Variants in ADAMTS14 observed in about 807,000 individuals in gnomAD.
ADAMTS14 encodes the protein ADAM metallopeptidase with thrombospondin type 1 motif 14, also known as A disintegrin and metalloproteinase with thrombospondin motifs 14.
In ADAMTS14, 100 loss-of-function variants were observed where a neutral mutation model predicts 128.6. The observed-to-expected ratio is 0.78, with a 90% CI of 0.66 to 0.92. The LOEUF (loss-of-function observed/expected upper bound fraction) is 0.92. Among genes scored for constraint, ADAMTS14 ranks in the 40% least tolerant of loss-of-function variants. The probability of loss-of-function intolerance (pLI) is 0.00; values close to 1 mark genes in which losing one functional copy is unlikely to be tolerated. For missense variants in ADAMTS14, 1,562 were observed against 1,658.6 expected (o/e 0.94, Z 1.01); for synonymous variants, 665 against 653.8 (o/e 1.02, Z -0.26).
rs751885762 is a variant in ADAMTS14, at chr10:70,674,510, C to T, written c.83-46C>T. 5.7e-6 allele frequency: 9 copies of T among 1,573,714 alleles called. No homozygotes were observed. In the South Asian group the frequency reaches 7.0e-5, roughly 12 times the overall value. ...CGTGGGATTTCTGACTTCCCCTTAC[C>T]TCTGAACCGACTGCATTGAAGTGAC... On this transcript the variant is annotated intron_variant, in intron 1 of 21. Coordinates refer to ENST00000373207, the MANE Select transcript of ADAMTS14 (RefSeq NM_080722.4).
chr10:70,728,013 A>G (rs1354608459), intron 4 of ADAMTS14, among the ~76,000 whole-genome samples: 3 of 151,712 alleles, frequency 2.0e-5, no homozygotes, highest in Admixed American at 6.6e-5. Flanking sequence ...GAAGAATGGC[A>G]TGAACCCAGG....
chr10:70,729,692 C>G (rs553877928), intron 5 of ADAMTS14, among the ~76,000 whole-genome samples: 2 of 152,044 alleles, frequency 1.3e-5, no homozygotes, highest in Non-Finnish European at 2.9e-5. Context: ...GCCCTGGTGC[C>G]CTGCGCTCTG....
Position 70,730,148 on chromosome 10 carries a change from A to T in ADAMTS14, c.1001A>T (p.Gln334Leu). Residue 334 changes from glutamine to leucine, a missense_variant, in exon 6 of 22, where the codon CAG (glutamine) becomes CTG (leucine). Physicochemically the swap from Gln to Leu is moderately radical, Grantham distance 113 (BLOSUM62 -2). Transcript: ENST00000373207. The part of the protein sequence containing the change: ...ERGNPSRSLE[Q>L]VCRWAHSQQR... Reference sequence around the variant, plus strand: ...GGGAACCCCTCACGCAGCCTGGAGCAGGTGTGTCGCTGGGCACACTCCCAG... The same window carrying T: ...GGGAACCCCTCACGCAGCCTGGAGCTGGTGTGTCGCTGGGCACACTCCCAG... The T allele has an allele frequency of 3.1e-6, 5 of 1,612,546 alleles. No homozygotes were observed. The highest frequency in any genetic ancestry group is 1.3e-5 in the African/African-American group (1 of 75,056).
chr10:70,739,424 T>A lies in ADAMTS14; in HGVS notation c.1748+434T>A, dbSNP rs145505653. Among the ~76,000 whole-genome samples the A allele has an allele frequency of 2.8e-3, 430 of 152,180 alleles. 1 individual carries two copies. The highest frequency in any genetic ancestry group is 4.3e-3 in the Non-Finnish European group (294 of 68,014). On this transcript the variant is annotated intron_variant, in intron 11 of 21. Transcript: ENST00000373207. ...TAATTTTTCTTAACTCTTTCTAACA[T>A]CAAAGCTCCTTCCCCTCTTCCCCAC... is the stretch of plus-strand genomic sequence containing the variant.
intron 4 of ADAMTS14, among the ~76,000 whole-genome samples, chr10:70,711,122 G>A (rs1304590463): frequency 6.6e-6 from 1 of 152,198 alleles, no homozygotes; most frequent in Non-Finnish European, 1.5e-5. Flanking sequence ...AATTGGGGGA[G>A]GGACAGGTTG....
At chr10:70,747,459 T>A (rs554429631) in intron 15 of ADAMTS14, among the ~76,000 whole-genome samples, 1 of 149,458 alleles carries the variant, frequency 6.7e-6, no homozygotes, top group East Asian at 2.0e-4. Context: ...CTGTGGGGAA[T>A]GTGCTGGAAT....
At chr10:70,681,082 G>A (rs1379514698) in intron 2 of ADAMTS14, among the ~76,000 whole-genome samples, 1 of 152,238 alleles carries the variant, frequency 6.6e-6, no homozygotes, top group Non-Finnish European at 1.5e-5. Flanking sequence ...CAGGGATGAA[G>A]CTCAGCCCTC....
intron 4 of ADAMTS14, among the ~76,000 whole-genome samples, chr10:70,710,479 C>G (rs1429370894): frequency 1.3e-5 from 2 of 152,204 alleles, no homozygotes; most frequent in Non-Finnish European, 2.9e-5. Context: ...ATCATACAGA[C>G]CGAAAGATGA....
chr10:70,683,555 G>A (rs531053830), intron 2 of ADAMTS14, among the ~76,000 whole-genome samples: 4 of 152,212 alleles, frequency 2.6e-5, no homozygotes, highest in Non-Finnish European at 5.9e-5. Flanking sequence ...TCCAGGAGGT[G>A]GGCAGCACAG....
At chr10:70,721,667 G>A (rs913814995) in intron 4 of ADAMTS14, among the ~76,000 whole-genome samples, 4 of 152,316 alleles carry the variant, frequency 2.6e-5, no homozygotes, top group Admixed American at 6.5e-5. Context: ...GATTACAGGC[G>A]TGAGCCACTG....
At chr10:70,726,068 T>A (rs1192337987) in intron 4 of ADAMTS14, among the ~76,000 whole-genome samples, 1 of 152,224 alleles carries the variant, frequency 6.6e-6, no homozygotes, top group Non-Finnish European at 1.5e-5. Flanking sequence ...AGATGGGCTG[T>A]CCCTTTCTGT....
intron 11 of ADAMTS14, 79 bp from the exon 12 acceptor site, chr10:70,740,908 C>T: frequency 6.8e-7 from 1 of 1,464,638 alleles, no homozygotes; most frequent in South Asian, 1.2e-5. Flanking sequence ...TGAGCTGCTC[C>T]TGGTGGCTGT....
chr10:70,749,663 G>A (rs973204275), intron 15 of ADAMTS14, among the ~76,000 whole-genome samples, 159 bp from the exon 16 acceptor site: 16 of 151,554 alleles, frequency 1.1e-4, no homozygotes, highest in Admixed American at 7.9e-4. Context: ...GACAGGGAGC[G>A]TGTTGACCTG....
At chr10:70,709,191 C>T (rs1473445497) in intron 4 of ADAMTS14, among the ~76,000 whole-genome samples, 2 of 152,148 alleles carry the variant, frequency 1.3e-5, no homozygotes, top group African/African-American at 4.8e-5. Context: ...AATGCCCACC[C>T]CCAGGCTGGG....
chr10:70,681,453 T>C lies in ADAMTS14; in HGVS notation c.522+6458T>C, dbSNP rs566956027. Among the ~76,000 whole-genome samples the C allele has an allele frequency of 1.1e-4, 17 of 152,252 alleles. 1 individual carries two copies. The highest frequency in any genetic ancestry group is 3.4e-3 in the Middle Eastern group (1 of 294). On this transcript the variant is annotated intron_variant, in intron 2 of 21. Transcript: ENST00000373207. ...GAATGGTGAAAATGTAATTGGAAAA[T>C]GTCAACCTCACCATGGAGCTTGGCC...
At chr10:70,756,536 A>C (rs1035572114) in intron 19 of ADAMTS14, among the ~76,000 whole-genome samples, 6 of 152,236 alleles carry the variant, frequency 3.9e-5, no homozygotes, top group Middle Eastern at 3.2e-3. Context: ...CAAGGCATAC[A>C]CAGAGACCGG....
chr10:70,721,292 G>A (rs1841254053), intron 4 of ADAMTS14, among the ~76,000 whole-genome samples: 1 of 151,776 alleles, frequency 6.6e-6, no homozygotes, highest in Non-Finnish European at 1.5e-5. Flanking sequence ...CAAAGTGCTG[G>A]GATTACAGGC....
At chr10:70,678,847 T>C (rs964586239) in intron 2 of ADAMTS14, among the ~76,000 whole-genome samples, 1 of 152,170 alleles carries the variant, frequency 6.6e-6, no homozygotes, top group African/African-American at 2.4e-5. Flanking sequence ...GGGCTGACCT[T>C]GTTGGAGTTT....
rs1287283727 is a variant in ADAMTS14 at position 70,741,091 on chromosome 10, G to A, written c.1853G>A (p.Cys618Tyr). ...TACGAGGACTTCCGGGCCCAGCAGT[G>A]TGCCAAGCGCAACTCCTACTATGTG... ...GTYEDFRAQQ[C>Y]AKRNSYYVHQ... Residue 618 changes from cysteine to tyrosine, a missense_variant, in exon 12 of 22, where the codon TGT becomes TAT. Transcript: ENST00000373207. 2 of 1,614,020 alleles carry A rather than the reference G, an allele frequency of 1.2e-6. No homozygotes were observed. The highest frequency in any genetic ancestry group is 2.2e-5 in the South Asian group (2 of 91,082).
Sources: allele counts gnomAD v4.1 joint callset (sites outside exome capture counted in the v4.1 genomes callset), GRCh38; gene constraint gnomAD v4.1.1; transcripts MANE v1.5; gene names NCBI Gene and HGNC (gene_info 2026-07-23, HGNC 2026-07-21).